Variants in DMD observed in about 807,000 individuals in gnomAD.
DMD encodes mutant dystrophin.
DMD carries 63 observed loss-of-function variants against 330.1 expected under a neutral mutation model. That is an observed-to-expected ratio of 0.19 (90% confidence interval 0.16 to 0.24). The LOEUF is 0.24. Among genes scored for constraint, DMD ranks in the 10% least tolerant of loss-of-function variants. The pLI, the probability that DMD is intolerant of heterozygous loss-of-function variation, is 1.00. For synonymous variants in DMD, 1,223 were observed against 959.8 expected, an observed-to-expected ratio of 1.27 and a Z score of -5.07; for missense variants, 3,344 against 2,684.1, an observed-to-expected ratio of 1.25 and a Z score of -5.43.
At chrX:33,203,635 T>G (rs1188767703) in intron 1 of DMD, among the ~76,000 whole-genome samples, 1 of 109,960 alleles carries the variant, frequency 9.1e-6, no homozygotes, top group Non-Finnish European at 1.9e-5. Context: ...TCCTTAGAAT[T>G]TCATCATTTT....
At chrX:32,708,244 A>G (rs2064862655) in intron 7 of DMD, among the ~76,000 whole-genome samples, 1 of 110,580 alleles carries the variant, frequency 9.0e-6, no homozygotes, top group Non-Finnish European at 1.9e-5. Context: ...AAATTACTCA[A>G]TGATGACTAG....
chrX:31,832,430 G>C (rs1290031935), intron 49 of DMD, among the ~76,000 whole-genome samples: 1 of 111,732 alleles, frequency 8.9e-6, no homozygotes, highest in Non-Finnish European at 1.9e-5. Flanking sequence ...CAAAACAGCT[G>C]GGAAAATGAA....
At chrX:33,195,757 T>TGTGTGA (rs1267922680) in intron 1 of DMD, among the ~76,000 whole-genome samples, 1 of 97,631 alleles carries the variant, frequency 1.0e-5, no homozygotes, top group Admixed American at 1.1e-4. Flanking sequence ...TGTGTGTGTG[T>TGTGTGA]GTGTGTGTGT....
intron 29 of DMD, among the ~76,000 whole-genome samples, chrX:32,435,118 T>C (rs2098254507): frequency 9.2e-6 from 1 of 108,303 alleles, no homozygotes; most frequent in South Asian, 4.1e-4. Flanking sequence ...TTTATCTGTC[T>C]TCACATTTTA....
intron 7 of DMD, among the ~76,000 whole-genome samples, chrX:32,775,056 G>A (rs771733949): frequency 3.6e-5 from 4 of 112,263 alleles, no homozygotes; most frequent in Admixed American, 1.9e-4. Flanking sequence ...CAGGTCCCAC[G>A]CAAGTTTGAA....
rs748711457 is a variant in DMD, at chrX:32,589,060, A to G, written c.1602+6697T>C. 3.6e-5 allele frequency among the ~76,000 whole-genome samples: 4 copies of G among 112,001 alleles called. No homozygotes were observed. The East Asian group carries it at 8.4e-4, about 24-fold the overall frequency. The stretch of plus-strand genomic sequence containing the variant: ...TGGGCAGAAGACATCCAGAGTTACC[A>G]ACTTCTGTCTGCTTCTGATATTATG... On this transcript the variant is annotated intron_variant, in intron 13 of 78. Coordinates refer to ENST00000357033, the MANE Select transcript of DMD (RefSeq NM_004006.3).
At chrX:31,293,079 C>G (rs2053827138) in intron 62 of DMD, among the ~76,000 whole-genome samples, 1 of 109,781 alleles carries the variant, frequency 9.1e-6, no homozygotes, top group Non-Finnish European at 1.9e-5. Flanking sequence ...GTTAAAAGAA[C>G]ACCCATAAAC....
At chrX:33,272,665 A>G (rs1268017256) in intron 1 of DMD, among the ~76,000 whole-genome samples, 1 of 64,205 alleles carries the variant, frequency 1.6e-5, no homozygotes, top group African/African-American at 2.1e-4. Context: ...CATCAAAATG[A>G]AAAAAAAAAA....
rs367560366 is a variant in DMD at position 32,725,432 on chromosome X, A to G, written c.650-26139T>C. 2.0e-4 allele frequency among the ~76,000 whole-genome samples: 22 copies of G among 111,487 alleles called. 2 individuals carry two copies. Among genetic ancestry groups the G allele is most frequent in the Admixed American group, 1.7e-3 (18 of 10,401 alleles). ...CGCCTATAAAGATACACATGGGCTG[A>G]AAATGGATGAAAAAAGATATTCCAT... On this transcript the variant is annotated intron_variant, in intron 7 of 78. Coordinates refer to ENST00000357033, the MANE Select transcript of DMD (RefSeq NM_004006.3).
At chrX:33,074,863 C>G (rs1180623028) in intron 1 of DMD, among the ~76,000 whole-genome samples, 1 of 111,906 alleles carries the variant, frequency 8.9e-6, no homozygotes, top group Non-Finnish European at 1.9e-5. Context: ...CCTCTCTTGC[C>G]TTTAGCCTTC....
intron 49 of DMD, among the ~76,000 whole-genome samples, chrX:31,821,646 C>A (rs2092762346): frequency 8.9e-6 from 1 of 111,845 alleles, no homozygotes; most frequent in Non-Finnish European, 1.9e-5. Flanking sequence ...TTGTGTTAAG[C>A]CACTGAAATA....
At chrX:31,892,380 G>A (rs889686170) in intron 47 of DMD, among the ~76,000 whole-genome samples, 8 of 110,646 alleles carry the variant, frequency 7.2e-5, no homozygotes, top group African/African-American at 2.3e-4. Flanking sequence ...CTAACCACAT[G>A]TAGCTATTGA....
intron 11 of DMD, among the ~76,000 whole-genome samples, chrX:32,626,580 G>A (rs891013228): frequency 9.5e-6 from 1 of 105,318 alleles, no homozygotes; most frequent in Non-Finnish European, 1.9e-5. Flanking sequence ...GCAACTAGAT[G>A]CTTCTAGAAT....
At chrX:31,673,117 G>A (rs1040151997) in intron 53 of DMD, among the ~76,000 whole-genome samples, 2 of 112,012 alleles carry the variant, frequency 1.8e-5, no homozygotes, top group South Asian at 3.7e-4. Flanking sequence ...TTCCAATCCT[G>A]GTCTACACTC....
chrX:32,835,472 A>AAT (rs2079533077), intron 4 of DMD, among the ~76,000 whole-genome samples: 1 of 112,839 alleles, frequency 8.9e-6, no homozygotes, highest in African/African-American at 3.2e-5. Context: ...GCTCTCAGCA[A>AAT]ATACCGCAAT....
intron 17 of DMD, among the ~76,000 whole-genome samples, chrX:32,519,458 G>A (rs1396216343): frequency 9.0e-6 from 1 of 110,736 alleles, no homozygotes; most frequent in Non-Finnish European, 1.9e-5. Context: ...TACTTCAACG[G>A]ATATTCTATG....
intron 44 of DMD, among the ~76,000 whole-genome samples, chrX:32,103,503 G>A (rs1186683967): frequency 9.0e-6 from 1 of 111,414 alleles, no homozygotes; most frequent in Non-Finnish European, 1.9e-5. Context: ...ATTATAAGCC[G>A]AAGCTCCACG....
At chrX:31,565,437 G>C (rs115387357) in intron 55 of DMD, among the ~76,000 whole-genome samples, 2,097 of 112,013 alleles carry the variant, frequency 0.019, 57 homozygotes, top group African/African-American at 0.065. Flanking sequence ...ATAATTCTGT[G>C]GAGATTGATC....
At chrX:32,505,629 A>G in intron 18 of DMD, among the ~76,000 whole-genome samples, 2 of 112,163 alleles carry the variant, frequency 1.8e-5, no homozygotes, top group Non-Finnish European at 1.9e-5. Context: ...TAAACATTCT[A>G]CTATATGATC....
Sources: allele counts gnomAD v4.1 joint callset (sites outside exome capture counted in the v4.1 genomes callset), GRCh38; gene constraint gnomAD v4.1.1; transcripts MANE v1.5; gene names NCBI Gene and HGNC (gene_info 2026-07-23, HGNC 2026-07-21).